The following DGLUCY variants were observed in gnomAD, a reference collection of about 807,000 sequenced individuals.
DGLUCY encodes D-glutamate cyclase, mitochondrial.
A neutral mutation model predicts 58.5 loss-of-function variants in DGLUCY; 58 were observed. The ratio of observed to expected loss-of-function variants is 0.99; its 90% CI spans 0.80 to 1.23. DGLUCY has a LOEUF of 1.23. DGLUCY is among the 50% of genes most tolerant of loss of function. The probability of loss-of-function intolerance (pLI) is 0.00; values close to 1 mark genes in which losing one functional copy is unlikely to be tolerated. For missense variants in DGLUCY, 779 were observed against 784.7 expected (o/e 0.99, Z 0.09); for synonymous variants, 325 against 314.1 (o/e 1.03, Z -0.37).
intron 8 of DGLUCY, among the ~76,000 whole-genome samples, chr14:91,187,210 G>A (rs1463416192): frequency 6.6e-6 from 1 of 152,106 alleles, no homozygotes; most frequent in Non-Finnish European, 1.5e-5. Context: ...TTGTTGACCA[G>A]GCTGGTCTTG....
At chr14:91,124,644 A>G (rs4900070) in intron 1 of DGLUCY, among the ~76,000 whole-genome samples, 131,597 of 152,230 alleles carry the variant, frequency 0.86, 57,146 homozygotes, top group East Asian at 1. Flanking sequence ...GAAACAAATC[A>G]GCCTGTTTCA....
intron 1 of DGLUCY, among the ~76,000 whole-genome samples, chr14:91,131,024 T>C (rs2045997389): frequency 6.6e-6 from 1 of 152,016 alleles, no homozygotes; most frequent in African/African-American, 2.4e-5. Flanking sequence ...CATGACTTAC[T>C]GCAGCCTCAA....
intron 1 of DGLUCY, among the ~76,000 whole-genome samples, chr14:91,101,328 A>G (rs775038289): frequency 3.9e-5 from 6 of 152,150 alleles, no homozygotes; most frequent in Admixed American, 6.5e-5. Flanking sequence ...GCAACCATCA[A>G]TCTACTACTG....
intron 10 of DGLUCY, among the ~76,000 whole-genome samples, chr14:91,196,783 A>G (rs2050246746): frequency 6.6e-6 from 1 of 150,766 alleles, no homozygotes; most frequent in African/African-American, 2.4e-5. Context: ...CTCAGTCTCA[A>G]ACTGTGGGTC....
intron 11 of DGLUCY, 23 bp from the exon 12 acceptor site, chr14:91,204,683 G>T: frequency 6.2e-7 from 1 of 1,612,300 alleles, no homozygotes; most frequent in South Asian, 1.1e-5. Context: ...CCCGTGCACT[G>T]ACTCAGCTCC....
At chr14:91,176,361 G>T (rs2048853122) in intron 7 of DGLUCY, among the ~76,000 whole-genome samples, 1 of 152,088 alleles carries the variant, frequency 6.6e-6, no homozygotes, top group African/African-American at 2.4e-5. Context: ...GAGTAGCTGG[G>T]ATTACAGGCA....
intron 1 of DGLUCY, among the ~76,000 whole-genome samples, chr14:91,135,721 A>G (rs1426253025): frequency 6.7e-6 from 1 of 148,534 alleles, no homozygotes; most frequent in Non-Finnish European, 1.5e-5. Context: ...ACCTTGCTAG[A>G]TGTTCTTTAT....
At chr14:91,158,617 G>T (rs1462696997) in intron 2 of DGLUCY, among the ~76,000 whole-genome samples, 1 of 152,108 alleles carries the variant, frequency 6.6e-6, no homozygotes, top group East Asian at 1.9e-4. Context: ...AGTCAGGCTT[G>T]TCCAGAACCC....
Position 91,199,797 on chromosome 14 carries a change from G to A in DGLUCY, c.1336G>A (p.Ala446Thr). ...GGCCATAGAGCGTGCCGGAAGAGCTGCTGATGGCAATTACTACAATGCAAG... is the reference window on the plus strand; with the variant it reads ...GGCCATAGAGCGTGCCGGAAGAGCTACTGATGGCAATTACTACAATGCAAG... ...LVAIERAGRA[A>T]DGNYYNARKM... The change falls in exon 11 of 14, where the codon GCT becomes ACT. Residue 446 changes from alanine to threonine, a missense_variant. By Grantham distance (58) the Ala-to-Thr change is moderately conservative (BLOSUM62 0). Coordinates refer to ENST00000256324, the MANE Select transcript of DGLUCY (RefSeq NM_001102368.3). The A allele has an allele frequency of 6.2e-7, 1 of 1,614,182 alleles. No homozygotes were observed. The highest frequency in any genetic ancestry group is 1.1e-5 in the South Asian group (1 of 91,084).
chr14:91,145,526 C>T (rs1253015231), intron 1 of DGLUCY, among the ~76,000 whole-genome samples: 4 of 152,048 alleles, frequency 2.6e-5, no homozygotes, highest in East Asian at 1.9e-4. Context: ...CATTTGTACC[C>T]GCTCCACCAG....
upstream of DGLUCY, among the ~76,000 whole-genome samples, chr14:91,111,123 C>T (rs1262945676): frequency 1.3e-5 from 2 of 151,534 alleles, no homozygotes; most frequent in African/African-American, 2.4e-5. Flanking sequence ...CTCACTGTTC[C>T]GGAGATTGGG....
At chr14:91,167,659 G>A (rs1021852080) in intron 4 of DGLUCY, 3 of 704,036 alleles carry the variant, frequency 4.3e-6, no homozygotes, top group South Asian at 3.0e-5. Context: ...CCACTCCATC[G>A]CCCAAGCCAG....
At chr14:91,073,699 G>T (rs1481881772) in intron 1 of DGLUCY, among the ~76,000 whole-genome samples, 1 of 152,036 alleles carries the variant, frequency 6.6e-6, no homozygotes, top group African/African-American at 2.4e-5. Flanking sequence ...AGGCCCTGAG[G>T]AGCAGCCTCT....
intron 1 of DGLUCY, among the ~76,000 whole-genome samples, chr14:91,092,592 G>A (rs944525103): frequency 7.9e-5 from 12 of 152,214 alleles, no homozygotes; most frequent in African/African-American, 2.4e-4. Context: ...ATGTGTAGGA[G>A]AGAAAGGGTA....
chr14:91,076,651 G>T (rs775269296), intron 1 of DGLUCY, among the ~76,000 whole-genome samples: 1 of 152,182 alleles, frequency 6.6e-6, no homozygotes, highest in African/African-American at 2.4e-5. Context: ...CCACAGGGAT[G>T]GTGATACTTG....
rs146070971 is a variant in DGLUCY at position 91,199,752 on chromosome 14, G to C, written c.1296-5G>C. On this transcript the variant is annotated splice_polypyrimidine_tract_variant and splice_region_variant and intron_variant, in intron 10 of 13. Transcript: ENST00000256324. ...CTCTGACCTCTGACCTTTGCTTCCC[G>C]GCAGATTTGACCACCTGGTGGCCAT... The C allele has an allele frequency of 1.2e-6, 2 of 1,613,932 alleles. No homozygotes were observed. The highest frequency in any genetic ancestry group is 2.2e-5 in the South Asian group (2 of 91,064).
At chr14:91,062,557 AAATATATATATATATAT>A (rs1279260681) in intron 1 of DGLUCY, among the ~76,000 whole-genome samples, 2 of 24,426 alleles carry the variant, frequency 8.2e-5, no homozygotes, top group African/African-American at 3.8e-4. Flanking sequence ...AAAAAAAAAA[AAATATATATATATATAT>A]ATATATATAT....
intron 13 of DGLUCY, chr14:91,220,681 C>G (rs938443941): frequency 6.6e-6 from 3 of 456,050 alleles, no homozygotes; most frequent in South Asian, 3.1e-5. Context: ...AGGCAGCCAG[C>G]TCTCCCCTGC....
chr14:91,219,888 G>T (rs545369795), intron 13 of DGLUCY, among the ~76,000 whole-genome samples: 7 of 152,166 alleles, frequency 4.6e-5, no homozygotes, highest in Non-Finnish European at 1.0e-4. Flanking sequence ...CTGCAATTTG[G>T]CAGGGTGACA....
Sources: allele counts gnomAD v4.1 joint callset (sites outside exome capture counted in the v4.1 genomes callset), GRCh38; gene constraint gnomAD v4.1.1; transcripts MANE v1.5; gene names NCBI Gene and HGNC (gene_info 2026-07-23, HGNC 2026-07-21).